DYNC1I1: variants seen among roughly 807,000 people sequenced by gnomAD.
The protein encoded by DYNC1I1 is dynein cytoplasmic 1 intermediate chain 1, also known as cytoplasmic dynein 1 intermediate chain 1.
A neutral mutation model predicts 86.6 loss-of-function variants in DYNC1I1; 43 were observed. That is an observed-to-expected ratio of 0.50 (90% confidence interval 0.39 to 0.64). The LOEUF (loss-of-function observed/expected upper bound fraction) is 0.64, where lower values mean the gene tolerates loss of function less well. Ranked by LOEUF, DYNC1I1 falls within the 30% of genes least tolerant of loss-of-function variation. DYNC1I1 has a pLI of 0.00. For synonymous variants in DYNC1I1, 262 were observed against 283.7 expected, an observed-to-expected ratio of 0.92 and a Z score of 0.77; for missense variants, 604 against 788.8, an observed-to-expected ratio of 0.77 and a Z score of 2.81.
At chr7:95,800,841 C>T (rs1410538809) in intron 1 of DYNC1I1, among the ~76,000 whole-genome samples, 2 of 152,256 alleles carry the variant, frequency 1.3e-5, no homozygotes, top group South Asian at 2.1e-4. Context: ...TTAGCAATAA[C>T]CTGCATTAGC....
intron 9 of DYNC1I1, among the ~76,000 whole-genome samples, chr7:95,989,306 G>C (rs1584230281): frequency 6.6e-6 from 1 of 152,298 alleles, no homozygotes; most frequent in African/African-American, 2.4e-5. Context: ...CTCTCCTCTT[G>C]AATTCCTTTT....
chr7:96,097,444 A>G lies in DYNC1I1; in HGVS notation c.1777-39A>G, dbSNP rs150262207. ...GCTTCAAGGCTTTCAGACATGAAAG[A>G]TATCTTGTTCATCATTTCTCCATTG... is the stretch of plus-strand genomic sequence containing the variant. On this transcript the variant is annotated intron_variant, in intron 16 of 16. Transcript: ENST00000447467. 3.1e-3 allele frequency: 4,939 copies of G among 1,610,808 alleles called. 30 individuals carry two copies. The highest frequency in any genetic ancestry group is 7.9e-3 in the South Asian group (722 of 90,866).
intron 6 of DYNC1I1, among the ~76,000 whole-genome samples, chr7:95,932,509 A>C (rs1791924514): frequency 6.6e-6 from 1 of 152,234 alleles, no homozygotes; most frequent in Admixed American, 6.5e-5. Context: ...TAAAGGACAT[A>C]TGAAGGAATT....
intron 6 of DYNC1I1, among the ~76,000 whole-genome samples, chr7:95,931,644 A>C (rs1233731360): frequency 1.3e-5 from 2 of 152,198 alleles, no homozygotes; most frequent in African/African-American, 4.8e-5. Context: ...TTGTAAATAA[A>C]GTTTTGTTGA....
chr7:95,918,997 C>T (rs909767362), intron 6 of DYNC1I1, among the ~76,000 whole-genome samples: 1 of 152,034 alleles, frequency 6.6e-6, no homozygotes, highest in Admixed American at 6.6e-5. Flanking sequence ...CCTTTGAGGA[C>T]AAGATGGGAG....
chr7:96,019,905 A>G (rs980244955), intron 10 of DYNC1I1, among the ~76,000 whole-genome samples: 2 of 152,090 alleles, frequency 1.3e-5, no homozygotes, highest in South Asian at 2.1e-4. Flanking sequence ...CTAATTCTAT[A>G]TGGGAATATA....
intron 1 of DYNC1I1, among the ~76,000 whole-genome samples, chr7:95,785,775 GTATATATATATATATATATATATA>G (rs200152096): frequency 0.01 from 1,282 of 124,902 alleles, 29 homozygotes; most frequent in African/African-American, 0.033. Context: ...GTGTGTATGT[GTATATATATATATATATATATATA>G]TATATATATA....
chr7:95,781,488 G>A (rs995395468), intron 1 of DYNC1I1, among the ~76,000 whole-genome samples: 9 of 152,102 alleles, frequency 5.9e-5, no homozygotes, highest in South Asian at 2.1e-4. Flanking sequence ...AACTATTGTC[G>A]AGGAGGAGGA....
intron 5 of DYNC1I1, among the ~76,000 whole-genome samples, chr7:95,861,459 T>C (rs997128149): frequency 6.6e-6 from 1 of 152,206 alleles, no homozygotes; most frequent in East Asian, 1.9e-4. Context: ...AAAGGTATAA[T>C]ATTCTCTGAT....
chr7:96,043,848 T>G (rs1429925650), intron 14 of DYNC1I1, among the ~76,000 whole-genome samples: 1 of 151,924 alleles, frequency 6.6e-6, no homozygotes, highest in Non-Finnish European at 1.5e-5. Context: ...CAGCTGGGAT[T>G]ACAGGTGCCC....
Position 95,943,559 on chromosome 7 carries a change from T to C in DYNC1I1, c.491-33953T>C, listed in dbSNP as rs560903023. ...ATATGGAACCAAAAAAGAGCCCGCATTGCCAAGTCAATCCTAAGCCAAAAG... is the reference window on the plus strand; with the variant it reads ...ATATGGAACCAAAAAAGAGCCCGCACTGCCAAGTCAATCCTAAGCCAAAAG... On this transcript the variant is annotated intron_variant, in intron 6 of 16. Transcript: ENST00000447467. Among the ~76,000 whole-genome samples the C allele has an allele frequency of 2.5e-4, 20 of 78,706 alleles. 3 individuals are homozygous for C. In the South Asian group the frequency reaches 7.9e-3, roughly 31 times the overall value. The allele number at this position is 78,706 out of a possible 152,430, so 51.6% of individuals were successfully genotyped here.
chr7:95,802,340 GTGCTC>G lies in DYNC1I1; in HGVS notation c.-9-2379_-9-2375del, dbSNP rs1244219706. 2.6e-5 allele frequency among the ~76,000 whole-genome samples: 4 copies of G among 152,146 alleles called. 1 individual carries two copies. The highest frequency in any genetic ancestry group is 7.2e-5 in the African/African-American group (3 of 41,494). On this transcript the variant is annotated intron_variant, in intron 1 of 16. Transcript: ENST00000447467. ...AAGAGTTCCTTGGTCCCTCTTGGCTGTGCTCTCGCTAATGCACATTCTCTACTTCT... is the reference window on the plus strand; with the variant it reads ...AAGAGTTCCTTGGTCCCTCTTGGCTGTCGCTAATGCACATTCTCTACTTCT...
At chr7:96,082,562 T>A (rs1790557137) in intron 16 of DYNC1I1, among the ~76,000 whole-genome samples, 1 of 152,188 alleles carries the variant, frequency 6.6e-6, no homozygotes, top group Admixed American at 6.5e-5. Flanking sequence ...AGTTTAACAA[T>A]CTGTTTTATA....
intron 5 of DYNC1I1, among the ~76,000 whole-genome samples, chr7:95,853,093 A>G (rs1260247955): frequency 2.8e-4 from 42 of 151,960 alleles, no homozygotes; most frequent in Non-Finnish European, 1.9e-4. Context: ...TCTGTTATTG[A>G]CTTCTAGTTT....
rs555652127 is a variant in DYNC1I1 at position 95,829,520 on chromosome 7, T to G, written c.374+1404T>G. Among the ~76,000 whole-genome samples, 97 of 152,192 alleles carry G rather than the reference T, an allele frequency of 6.4e-4. 1 individual carries two copies. The highest frequency in any genetic ancestry group is 2.1e-3 in the African/African-American group (86 of 41,534). On this transcript the variant is annotated intron_variant, in intron 5 of 16. Transcript: ENST00000447467. ...AACTTCAGAATGCAGTTCTTCAAAA[T>G]TATATTGTGTTAAAAAAACAGGCAG...
chr7:96,076,068 G>A lies in DYNC1I1; in HGVS notation c.1521G>A (p.Pro507=), dbSNP rs944256028. 1 of 1,613,898 alleles carries A rather than the reference G, an allele frequency of 6.2e-7. No homozygotes were observed. The highest frequency in any genetic ancestry group is 8.5e-7 in the Non-Finnish European group (1 of 1,179,852). ...VKLWTTKHNK[P]LYSFEDNADY... ...TCTCTGCTTTACAGCACAACAAGCC[G>A]CTCTACTCCTTTGAAGACAATGCAG... Residue 507 remains proline (P), a synonymous_variant, in exon 15 of 17, where the codon CCG becomes CCA. Transcript: ENST00000447467.
At chr7:96,104,417 T>C (rs1791183911) in intron 16 of DYNC1I1, among the ~76,000 whole-genome samples, 1 of 152,176 alleles carries the variant, frequency 6.6e-6, no homozygotes, top group South Asian at 2.1e-4. Context: ...TACTTAGTAT[T>C]GTATCATACT....
intron 6 of DYNC1I1, among the ~76,000 whole-genome samples, chr7:95,965,118 T>C (rs949691322): frequency 6.6e-6 from 1 of 152,174 alleles, no homozygotes; most frequent in African/African-American, 2.4e-5. Flanking sequence ...GTGAAGCAGC[T>C]GACTGGCCAT....
intron 1 of DYNC1I1, among the ~76,000 whole-genome samples, chr7:95,795,499 A>G (rs772146401): frequency 6.6e-6 from 1 of 152,216 alleles, no homozygotes. Context: ...ATGCCCATTA[A>G]TGGTAGACTG....
Sources: gnomAD v4.1 joint callset for allele counts (sites outside exome capture counted in the v4.1 genomes callset) on GRCh38, gnomAD v4.1.1 for gene constraint, MANE v1.5 for transcripts, NCBI Gene and HGNC (gene_info 2026-07-23, HGNC 2026-07-21) for gene names.